The following GARS1 variants were observed in gnomAD, a reference collection of about 807,000 sequenced individuals.
GARS1 encodes the protein glycine--tRNA ligase.
A neutral mutation model predicts 86.4 loss-of-function variants in GARS1; 46 were observed. The ratio of observed to expected loss-of-function variants is 0.53; its 90% CI spans 0.42 to 0.68. The LOEUF (loss-of-function observed/expected upper bound fraction) is 0.68, where lower values mean the gene tolerates loss of function less well. Among genes scored for constraint, GARS1 ranks in the 30% least tolerant of loss-of-function variants. The pLI, the probability that GARS1 is intolerant of heterozygous loss-of-function variation, is 0.00. For missense variants in GARS1, 797 were observed against 915.6 expected (o/e 0.87, Z 1.67); for synonymous variants, 342 against 329.8 (o/e 1.04, Z -0.40).
intron 14 of GARS1, among the ~76,000 whole-genome samples, chr7:30,630,615 A>G (rs745804823): frequency 2.6e-5 from 4 of 151,422 alleles, no homozygotes; most frequent in African/African-American, 7.3e-5. Flanking sequence ...GGCTCAAGCA[A>G]TCCTCCTGCT....
intron 3 of GARS1, 21 bp from the exon 4 acceptor site, chr7:30,601,037 GT>G (rs754718810): frequency 1.2e-6 from 2 of 1,612,684 alleles, no homozygotes; most frequent in East Asian, 4.5e-5. Flanking sequence ...TAAAGTATGT[GT>G]TTTCCTCTCA....
chr7:30,598,654 T>G (rs1161721331), intron 1 of GARS1, 142 bp from the exon 2 acceptor site: 1 of 697,628 alleles, frequency 1.4e-6, no homozygotes, highest in Non-Finnish European at 2.6e-6. Flanking sequence ...AAAGTGCTGG[T>G]ATTACAGGCG....
At chr7:30,617,986 TAGAA>T (rs776729566) in intron 10 of GARS1, among the ~76,000 whole-genome samples, 1 of 152,230 alleles carries the variant, frequency 6.6e-6, no homozygotes, top group Non-Finnish European at 1.5e-5. Context: ...CTCGCCTACA[TAGAA>T]AGAGACTTTA....
intron 12 of GARS1, chr7:30,622,716 G>A (rs1001500450): frequency 2.2e-6 from 1 of 464,680 alleles, no homozygotes; most frequent in Non-Finnish European, 3.9e-6. Flanking sequence ...GGAAGGAAGG[G>A]TTAGAAACTA....
At chr7:30,630,517 C>CT (rs758530758) in intron 14 of GARS1, among the ~76,000 whole-genome samples, 1,432 of 130,964 alleles carry the variant, frequency 0.011, 29 homozygotes, top group African/African-American at 0.028. Context: ...TTATTTTCGC[C>CT]TTTTTTTTTT....
chr7:30,631,410 T>C (rs1314219704), intron 14 of GARS1, 38 bp from the exon 15 acceptor site: 1 of 1,485,132 alleles, frequency 6.7e-7, no homozygotes, highest in Non-Finnish European at 9.4e-7. Context: ...TATTTACAAA[T>C]TAACATATTT....
chr7:30,596,678 A>G (rs1339372485), intron 1 of GARS1, among the ~76,000 whole-genome samples: 1 of 152,202 alleles, frequency 6.6e-6, no homozygotes, highest in Non-Finnish European at 1.5e-5. Flanking sequence ...TTTGTACTTT[A>G]AGATATTTTC....
chr7:30,603,508 A>C lies in GARS1; in HGVS notation c.671A>C (p.Lys224Thr). 6.2e-7 allele frequency: 1 copy of C among 1,613,608 alleles called. No individual in the cohort carries two copies. The highest frequency in any genetic ancestry group is 1.1e-5 in the South Asian group (1 of 91,060). Residue 224 changes from lysine (K) to threonine (T), a missense_variant, in exon 6 of 17, where the codon AAA becomes ACA. Coordinates refer to ENST00000389266, the MANE Select transcript of GARS1 (RefSeq NM_002047.4). ...ACTGTTCTTACAGCTCATTTACAGA[A>C]ATTGATGTCTGATAAGAAGTGTTCT... is the stretch of plus-strand genomic sequence containing the variant. ...ADHLLKAHLQ[K>T]LMSDKKCSVE...
chr7:30,614,681 C>T (rs887520273), intron 8 of GARS1, among the ~76,000 whole-genome samples: 5 of 152,014 alleles, frequency 3.3e-5, no homozygotes, highest in African/African-American at 9.7e-5. Flanking sequence ...TTGAGGCCAT[C>T]CTGGCTAACA....
intron 14 of GARS1, 61 bp downstream of exon 14, chr7:30,628,730 A>G: frequency 9.8e-7 from 1 of 1,024,468 alleles, no homozygotes; most frequent in Non-Finnish European, 1.5e-6. Flanking sequence ...TCTGAATTAC[A>G]TTGTGAAGTA....
At chr7:30,631,248 C>T (rs555419684) in intron 14 of GARS1, 200 bp from the exon 15 acceptor site, 8 of 473,768 alleles carry the variant, frequency 1.7e-5, no homozygotes, top group East Asian at 1.3e-4. Context: ...GGCCTAAATT[C>T]GGAGCTGAAA....
In GARS1 at chr7:30,628,667, A is replaced by G. The variant is rs1783177045; in HGVS notation, c.1807A>G (p.Thr603Ala). Reference protein sequence around the residue: ...FHVREGDEQRTFFSFPAVVAP... With the variant: ...FHVREGDEQRAFFSFPAVVAP... ...TGTACGAGAAGGAGATGAACAGAGA[A>G]CAGTAAGTTGTTGTGTACAGTGTGC... Residue 603 changes from threonine (T) to alanine (A), a missense_variant and splice_region_variant, in exon 14 of 17, where the codon ACA (threonine) becomes GCA (alanine). By Grantham distance (58) the Thr-to-Ala change is moderately conservative. Transcript: ENST00000389266. The G allele has an allele frequency of 6.3e-7, 1 of 1,598,662 alleles. No homozygotes were observed. Among genetic ancestry groups the G allele is most frequent in the Non-Finnish European group, 8.6e-7 (1 of 1,166,192 alleles).
chr7:30,599,752 TA>T (rs1354499920), intron 2 of GARS1, among the ~76,000 whole-genome samples, 194 bp from the exon 3 acceptor site: 1 of 152,230 alleles, frequency 6.6e-6, no homozygotes, highest in African/African-American at 2.4e-5. Flanking sequence ...CCTAAATGAT[TA>T]AGTAAAGATA....
intron 8 of GARS1, among the ~76,000 whole-genome samples, chr7:30,613,954 A>T (rs1040519033): frequency 1.1e-4 from 16 of 152,044 alleles, no homozygotes; most frequent in African/African-American, 3.4e-4. Context: ...GATTTTTCTA[A>T]AATTTTATTT....
chr7:30,622,650 C>CT (rs74274581), intron 12 of GARS1, 188 bp downstream of exon 12: 10,737 of 469,116 alleles, frequency 0.023, no homozygotes, highest in Middle Eastern at 0.03. Context: ...ATAGAATATA[C>CT]TTTTTTTTTT....
intron 1 of GARS1, among the ~76,000 whole-genome samples, 166 bp downstream of exon 1, chr7:30,595,309 C>G (rs2128131993): frequency 6.6e-6 from 1 of 152,306 alleles, no homozygotes; most frequent in South Asian, 2.1e-4. Context: ...GTCCCAAGTC[C>G]CCCGTGCGTC....
intron 15 of GARS1, 39 bp downstream of exon 15, chr7:30,631,580 A>T (rs1477694293): frequency 7.8e-7 from 1 of 1,276,072 alleles, no homozygotes; most frequent in Middle Eastern, 1.8e-4. Context: ...TGGGAACACC[A>T]TCAAGGAGAC....
chr7:30,614,277 G>A (rs764553403), intron 8 of GARS1: 3 of 151,564 alleles, frequency 2.0e-5, no homozygotes, highest in Non-Finnish European at 2.9e-5. Flanking sequence ...CTCTTTGAGC[G>A]GATTTCAGGT....
At chr7:30,616,910 T>C (rs1782899646) in intron 9 of GARS1, among the ~76,000 whole-genome samples, 1 of 152,210 alleles carries the variant, frequency 6.6e-6, no homozygotes. Context: ...TCCATTATCA[T>C]CATCTTGACA....
Sources: gnomAD v4.1 joint callset for allele counts (sites outside exome capture counted in the v4.1 genomes callset) on GRCh38, gnomAD v4.1.1 for gene constraint, MANE v1.5 for transcripts, NCBI Gene and HGNC (gene_info 2026-07-23, HGNC 2026-07-21) for gene names.